The following COL26A1 variants were observed in gnomAD, a reference collection of about 807,000 sequenced individuals.
COL26A1 encodes collagen alpha-1(XXVI) chain.
Under a neutral mutation model 59.3 loss-of-function variants are expected in COL26A1, and 41 were observed. The observed-to-expected ratio is 0.69, with a 90% CI of 0.54 to 0.90. COL26A1 has a LOEUF of 0.90. COL26A1 is among the 40% of genes least tolerant of loss of function. COL26A1 has a pLI of 0.00. For synonymous variants in COL26A1, 266 were observed against 256.0 expected, an observed-to-expected ratio of 1.04 and a Z score of -0.37; for missense variants, 612 against 602.3, an observed-to-expected ratio of 1.02 and a Z score of -0.17.
At chr7:101,492,950 C>T (rs964342641) in intron 3 of COL26A1, among the ~76,000 whole-genome samples, 1 of 151,960 alleles carries the variant, frequency 6.6e-6, no homozygotes, top group Non-Finnish European at 1.5e-5. Flanking sequence ...TGGTCTCAAA[C>T]TCCTGGGCTC....
chr7:101,402,705 ATTTC>A (rs1377872129), intron 1 of COL26A1, among the ~76,000 whole-genome samples: 3 of 80,128 alleles, frequency 3.7e-5, no homozygotes, highest in African/African-American at 1.6e-4. Context: ...GCTTCCTTTC[ATTTC>A]TTTCTCTCTT....
chr7:101,378,004 CA>C (rs1339281640), intron 1 of COL26A1, among the ~76,000 whole-genome samples: 5 of 152,210 alleles, frequency 3.3e-5, no homozygotes, highest in Non-Finnish European at 4.4e-5. Context: ...CTCTCGGACT[CA>C]GGTGATCCTC....
At chr7:101,483,417 C>CA (rs1794197330) in intron 3 of COL26A1, among the ~76,000 whole-genome samples, 1 of 152,034 alleles carries the variant, frequency 6.6e-6, no homozygotes, top group South Asian at 2.1e-4. Flanking sequence ...AGACTGGTCT[C>CA]AAACTCCTGA....
At chr7:101,364,850 G>A (rs1047385626) in intron 1 of COL26A1, among the ~76,000 whole-genome samples, 22 of 152,150 alleles carry the variant, frequency 1.4e-4, no homozygotes, top group Admixed American at 1.1e-3. Flanking sequence ...GATTACAGGC[G>A]TGAGCCACCA....
chr7:101,382,673 T>G (rs1254731901), intron 1 of COL26A1, among the ~76,000 whole-genome samples: 3 of 152,214 alleles, frequency 2.0e-5, no homozygotes, highest in African/African-American at 7.2e-5. Context: ...TGGGTGAATT[T>G]TAAAATCATC....
intron 3 of COL26A1, among the ~76,000 whole-genome samples, chr7:101,518,122 G>A (rs1197963292): frequency 6.6e-6 from 1 of 152,094 alleles, no homozygotes; most frequent in African/African-American, 2.4e-5. Flanking sequence ...CCTGTCTTTT[G>A]TTTTTAAAAC....
intron 9 of COL26A1, among the ~76,000 whole-genome samples, chr7:101,549,584 G>T (rs1795818092): frequency 6.6e-6 from 1 of 152,094 alleles, no homozygotes; most frequent in South Asian, 2.1e-4. Context: ...ATTTCACCAT[G>T]TTGCCCAGGC....
In COL26A1 at chr7:101,547,195, T is replaced by G; in HGVS notation, c.896T>G (p.Val299Gly). 6 of 1,596,878 alleles carry G rather than the reference T, an allele frequency of 3.8e-6. No individual in the cohort carries two copies. The highest frequency in any genetic ancestry group is 5.1e-6 in the Non-Finnish European group (6 of 1,173,458). Reference sequence around the variant, plus strand: ...CTGGCCTCTGCCATCGTGGACACAGTGCTGGCAGGTGTCCCAGGACCCCGG... The same window carrying G: ...CTGGCCTCTGCCATCGTGGACACAGGGCTGGCAGGTGTCCCAGGACCCCGG... ...SRLASAIVDT[V>G]LAGVPGPRGP... Residue 299 changes from valine (V) to glycine (G), a missense_variant, in exon 8 of 13, where the codon GTG becomes GGG. Coordinates refer to ENST00000313669, the MANE Select transcript of COL26A1 (RefSeq NM_001278563.3).
intron 2 of COL26A1, among the ~76,000 whole-genome samples, chr7:101,442,803 T>A (rs1194548815): frequency 2.6e-5 from 4 of 152,016 alleles, no homozygotes; most frequent in African/African-American, 9.7e-5. Context: ...TGACTGTGAG[T>A]GTGCATGAGT....
chr7:101,481,727 A>C (rs1433062034), intron 3 of COL26A1, among the ~76,000 whole-genome samples: 1 of 151,354 alleles, frequency 6.6e-6, no homozygotes, highest in Non-Finnish European at 1.5e-5. Context: ...CTGGGATTAC[A>C]TGCATGAGCC....
intron 3 of COL26A1, among the ~76,000 whole-genome samples, chr7:101,499,387 T>C (rs2130553337): frequency 6.6e-6 from 1 of 151,644 alleles, no homozygotes; most frequent in South Asian, 2.1e-4. Flanking sequence ...ACAAAATATA[T>C]AAAAATTAGC....
intron 1 of COL26A1, among the ~76,000 whole-genome samples, chr7:101,410,224 T>TGGTTCATC (rs756574358): frequency 1.1e-4 from 16 of 152,282 alleles, no homozygotes; most frequent in Non-Finnish European, 2.1e-4. Flanking sequence ...TGGTGTTCGT[T>TGGTTCATC]GGTTCATCAG....
intron 3 of COL26A1, among the ~76,000 whole-genome samples, chr7:101,518,163 T>A (rs991484284): frequency 1.3e-5 from 2 of 152,152 alleles, no homozygotes; most frequent in African/African-American, 4.8e-5. Flanking sequence ...AAAGCCCCAA[T>A]GGCCAGAGAA....
At chr7:101,506,293 CAG>C (rs1445319005) in intron 3 of COL26A1, among the ~76,000 whole-genome samples, 2 of 152,262 alleles carry the variant, frequency 1.3e-5, no homozygotes, top group African/African-American at 4.8e-5. Flanking sequence ...TTTCTGCACA[CAG>C]AGCTGCTCAC....
chr7:101,523,070 T>C (rs923746254), intron 3 of COL26A1, among the ~76,000 whole-genome samples: 4 of 151,484 alleles, frequency 2.6e-5, no homozygotes, highest in South Asian at 4.2e-4. Context: ...GAAAAGAAAT[T>C]CTTTTTTTTT....
intron 3 of COL26A1, among the ~76,000 whole-genome samples, chr7:101,529,561 A>G (rs980082232): frequency 1.3e-5 from 2 of 152,276 alleles, no homozygotes; most frequent in South Asian, 2.1e-4. Context: ...GCCCGGCCTC[A>G]TCACCCAAAT....
intron 4 of COL26A1, among the ~76,000 whole-genome samples, chr7:101,536,658 A>G (rs1206139155): frequency 6.6e-6 from 1 of 152,236 alleles, no homozygotes; most frequent in African/African-American, 2.4e-5. Context: ...CCCTTAGACA[A>G]GAAGTCTGCT....
At position 101,545,465 on chromosome 7, in the gene COL26A1, C is replaced by T. The variant is rs1250767866; in HGVS notation, c.831C>T (p.Ser277=). 1.2e-6 allele frequency: 2 copies of T among 1,608,214 alleles called. No homozygotes were observed. Among genetic ancestry groups the T allele is most frequent in the Admixed American group, 1.7e-5 (1 of 59,272 alleles). The change falls in exon 7 of 13, where the codon TCC becomes TCT. Residue 277 remains serine, a synonymous_variant. Coordinates refer to ENST00000313669, the MANE Select transcript of COL26A1 (RefSeq NM_001278563.3). ...ACAGCCCCCAGGGCGCCCTCTACTCCCTGCAGCCGCCTACAGACAAAGACA... is the reference window on the plus strand; with the variant it reads ...ACAGCCCCCAGGGCGCCCTCTACTCTCTGCAGCCGCCTACAGACAAAGACA... ...SPNSPQGALY[S]LQPPTDKDNG...
At chr7:101,462,100 A>C (rs1584428225) in intron 3 of COL26A1, among the ~76,000 whole-genome samples, 1 of 148,768 alleles carries the variant, frequency 6.7e-6, no homozygotes, top group Non-Finnish European at 1.5e-5. Flanking sequence ...CCCAGTTTCA[A>C]GTGATTCTCC....
Sources: gnomAD v4.1 joint callset for allele counts (sites outside exome capture counted in the v4.1 genomes callset) on GRCh38, gnomAD v4.1.1 for gene constraint, MANE v1.5 for transcripts, NCBI Gene and HGNC (gene_info 2026-07-23, HGNC 2026-07-21) for gene names.